NRG1: variants seen among roughly 807,000 people sequenced by gnomAD.
NRG1 encodes neuregulin 1, also known as pro-neuregulin-1, membrane-bound isoform.
A neutral mutation model predicts 63.8 loss-of-function variants in NRG1; 18 were observed. That is an observed-to-expected ratio of 0.28 (90% confidence interval 0.19 to 0.42). The LOEUF (loss-of-function observed/expected upper bound fraction) is 0.42, where lower values mean the gene tolerates loss of function less well. Ranked by LOEUF, NRG1 falls within the 10% of genes least tolerant of loss-of-function variation. The probability of loss-of-function intolerance (pLI) is 1.00; values close to 1 mark genes in which losing one functional copy is unlikely to be tolerated. For missense variants in NRG1, 762 were observed against 814.7 expected, an observed-to-expected ratio of 0.94 and a Z score of 0.79; for synonymous variants, 302 against 301.3, an observed-to-expected ratio of 1.00 and a Z score of -0.02.
At chr8:32,598,941 A>G (rs371721232) in intron 2 of NRG1, among the ~76,000 whole-genome samples, 14 of 152,214 alleles carry the variant, frequency 9.2e-5, no homozygotes, top group African/African-American at 3.4e-4. Context: ...ACCCATTTAA[A>G]ACATTAATAT....
At position 31,687,231 on chromosome 8, in the gene NRG1, A is replaced by C. The variant is rs537988929; in HGVS notation, c.37+47800A>C. Among the ~76,000 whole-genome samples the C allele has an allele frequency of 3.9e-5, 6 of 152,314 alleles. No homozygotes were observed. In the South Asian group the frequency reaches 1.0e-3, roughly 26 times the overall value. On this transcript the variant is annotated intron_variant, in intron 1 of 10. Transcript: ENST00000519301. ...GAAAAGATGCCCCTTAGGGAGGAGA[A>C]AGAAACAAATATCAATTAGACTTGA...
chr8:32,617,941 A>T (rs947319080), intron 5 of NRG1, among the ~76,000 whole-genome samples: 1 of 152,144 alleles, frequency 6.6e-6, no homozygotes, highest in Non-Finnish European at 1.5e-5. Flanking sequence ...TGTGTGAAGT[A>T]TGGTGTTTTG....
At chr8:32,190,199 A>C (rs1005593280) in intron 1 of NRG1, among the ~76,000 whole-genome samples, 4 of 150,742 alleles carry the variant, frequency 2.7e-5, no homozygotes, top group African/African-American at 7.3e-5. Flanking sequence ...TATTATTATT[A>C]ATTTTTTTCT....
At chr8:32,146,183 A>T (rs1836854464) in intron 1 of NRG1, among the ~76,000 whole-genome samples, 1 of 152,148 alleles carries the variant, frequency 6.6e-6, no homozygotes, top group Admixed American at 6.5e-5. Flanking sequence ...TAAGGGAGGG[A>T]AGCTCTTTAA....
intron 1 of NRG1, among the ~76,000 whole-genome samples, chr8:31,679,223 T>A (rs1468775379): frequency 6.6e-6 from 1 of 152,108 alleles, no homozygotes; most frequent in African/African-American, 2.4e-5. Flanking sequence ...CTACATTTGT[T>A]TTTAGATGTA....
intron 1 of NRG1, among the ~76,000 whole-genome samples, chr8:32,156,761 A>G (rs1280732663): frequency 1.3e-5 from 2 of 152,114 alleles, no homozygotes; most frequent in African/African-American, 4.8e-5. Context: ...ACATAATGAG[A>G]CCCAGTCTCT....
intron 5 of NRG1, among the ~76,000 whole-genome samples, chr8:32,698,705 C>T (rs1412713153): frequency 6.6e-6 from 1 of 152,204 alleles, no homozygotes; most frequent in Non-Finnish European, 1.5e-5. Flanking sequence ...GAATGGCTCA[C>T]ATCCTCTATG....
chr8:32,211,696 G>A (rs556087091), intron 1 of NRG1, among the ~76,000 whole-genome samples: 5 of 152,164 alleles, frequency 3.3e-5, no homozygotes, highest in East Asian at 1.9e-4. Context: ...ATCGAAACAC[G>A]TTACGTTTTG....
chr8:32,262,131 T>G (rs1024106231), intron 1 of NRG1, among the ~76,000 whole-genome samples: 6 of 152,174 alleles, frequency 3.9e-5, no homozygotes, highest in African/African-American at 1.2e-4. Flanking sequence ...CCACATGATG[T>G]GTGGAAGGTT....
At chr8:32,402,598 A>G (rs1813358239) in intron 1 of NRG1, among the ~76,000 whole-genome samples, 1 of 152,126 alleles carries the variant, frequency 6.6e-6, no homozygotes, top group Non-Finnish European at 1.5e-5. Context: ...CTCAGTTATT[A>G]GATCGACCAT....
At chr8:32,606,713 T>A (rs960607351) in intron 3 of NRG1, among the ~76,000 whole-genome samples, 1 of 152,166 alleles carries the variant, frequency 6.6e-6, no homozygotes, top group Non-Finnish European at 1.5e-5. Context: ...ACAAAATTTG[T>A]CATCTGTTAT....
At chr8:31,988,101 T>G (rs959455340) in intron 1 of NRG1, among the ~76,000 whole-genome samples, 8 of 152,160 alleles carry the variant, frequency 5.3e-5, no homozygotes, top group Non-Finnish European at 7.4e-5. Context: ...CACACCCTTT[T>G]GTCCAGATGT....
chr8:32,021,846 G>C (rs1215827169), intron 1 of NRG1, among the ~76,000 whole-genome samples: 1 of 151,962 alleles, frequency 6.6e-6, no homozygotes, highest in East Asian at 1.9e-4. Flanking sequence ...GCACAACATA[G>C]TGAAAATAAT....
intron 1 of NRG1, among the ~76,000 whole-genome samples, chr8:32,584,764 G>T (rs1204121907): frequency 6.6e-6 from 1 of 152,172 alleles, no homozygotes; most frequent in African/African-American, 2.4e-5. Flanking sequence ...ATGGCTATGT[G>T]AAAAATAGAT....
chr8:31,971,534 A>G (rs1298749893), intron 1 of NRG1, among the ~76,000 whole-genome samples: 2 of 152,186 alleles, frequency 1.3e-5, no homozygotes, highest in Non-Finnish European at 2.9e-5. Context: ...CTTTTCTGAA[A>G]AGGAAAAAAA....
At chr8:31,763,068 A>G (rs925870373) in intron 1 of NRG1, among the ~76,000 whole-genome samples, 1 of 152,206 alleles carries the variant, frequency 6.6e-6, no homozygotes, top group African/African-American at 2.4e-5. Context: ...AAGGAGAAAA[A>G]TCATATAATC....
At chr8:31,846,779 G>T (rs1402129871) in intron 1 of NRG1, among the ~76,000 whole-genome samples, 5 of 152,066 alleles carry the variant, frequency 3.3e-5, no homozygotes, top group African/African-American at 4.8e-5. Flanking sequence ...TTTTAGTGGC[G>T]ATTTCCTAGA....
At chr8:31,769,307 G>C (rs1466343298) in intron 1 of NRG1, among the ~76,000 whole-genome samples, 27 of 152,144 alleles carry the variant, frequency 1.8e-4, no homozygotes. Context: ...CATTGTCAGA[G>C]AGCTCTAGCT....
intron 1 of NRG1, among the ~76,000 whole-genome samples, chr8:32,152,529 C>T (rs951417630): frequency 6.6e-6 from 1 of 152,138 alleles, no homozygotes; most frequent in Non-Finnish European, 1.5e-5. Flanking sequence ...AAATAACTTC[C>T]TATGACATAC....
Sources: gnomAD v4.1 joint callset for allele counts (sites outside exome capture counted in the v4.1 genomes callset) on GRCh38, gnomAD v4.1.1 for gene constraint, MANE v1.5 for transcripts, NCBI Gene and HGNC (gene_info 2026-07-23, HGNC 2026-07-21) for gene names.